The following MCF2L variants were observed in gnomAD, a reference collection of about 807,000 sequenced individuals.
MCF2L encodes the protein MCF.2 cell line derived transforming sequence like.
MCF2L carries 97 observed loss-of-function variants against 153.4 expected under a neutral mutation model. That is an observed-to-expected ratio of 0.63 (90% confidence interval 0.54 to 0.75). The LOEUF (loss-of-function observed/expected upper bound fraction) is 0.75. MCF2L is among the 30% of genes least tolerant of loss of function. The pLI is 0.00. For synonymous variants in MCF2L, 659 were observed against 632.2 expected (o/e 1.04, Z -0.64); for missense variants, 1,347 against 1,495.2 (o/e 0.90, Z 1.64).
intron 2 of MCF2L, among the ~76,000 whole-genome samples, chr13:113,017,090 G>A (rs368332026): frequency 6.6e-6 from 1 of 152,216 alleles, no homozygotes. Flanking sequence ...AGATGTGCGC[G>A]GATTTGGAGG....
chr13:112,923,506 T>C (rs1389981861), intron 2 of MCF2L, among the ~76,000 whole-genome samples: 1 of 152,092 alleles, frequency 6.6e-6, no homozygotes, highest in African/African-American at 2.4e-5. Flanking sequence ...CCTGGTGATC[T>C]ACCTGCCTCG....
chr13:112,913,616 G>T (rs2081258974), intron 2 of MCF2L, among the ~76,000 whole-genome samples: 1 of 152,132 alleles, frequency 6.6e-6, no homozygotes, highest in African/African-American at 2.4e-5. Flanking sequence ...CCTCCTTCAA[G>T]TGCATGGGGC....
rs147651449 is a variant in MCF2L, at chr13:113,004,419, G to A, written c.80-10344G>A. Among the ~76,000 whole-genome samples, 640 of 152,328 alleles carry A rather than the reference G, an allele frequency of 4.2e-3. 4 individuals are homozygous for A. The highest frequency in any genetic ancestry group is 0.015 in the African/African-American group (621 of 41,572). ...CCTCAGTCTGCAGCCGTCACTCCAT[G>A]TCTGCAGCTGGGGCCCTGGCCAGCC... On this transcript the variant is annotated intron_variant, in intron 1 of 29. Transcript: ENST00000535094.
chr13:113,012,432 G>A (rs73576804), intron 1 of MCF2L, among the ~76,000 whole-genome samples: 2 of 98,216 alleles, frequency 2.0e-5, no homozygotes, highest in African/African-American at 6.8e-5. Context: ...CAGTGTGGAC[G>A]GTGGACACTG....
At chr13:113,086,636 A>C (rs1029611977) in intron 21 of MCF2L, among the ~76,000 whole-genome samples, 1 of 152,194 alleles carries the variant, frequency 6.6e-6, no homozygotes, top group African/African-American at 2.4e-5. Context: ...ACTTAGAGCA[A>C]GTGGCCCCAG....
chr13:112,978,345 C>G (rs1047587807), intron 1 of MCF2L, among the ~76,000 whole-genome samples: 1 of 152,208 alleles, frequency 6.6e-6, no homozygotes, highest in Non-Finnish European at 1.5e-5. Context: ...GCCTTGGGAC[C>G]ACCTTGTTGC....
In MCF2L at chr13:112,943,746, C is replaced by T. The variant is rs1270203099; in HGVS notation, c.169+41375C>T. Among the ~76,000 whole-genome samples the T allele has an allele frequency of 6.6e-6, 1 of 152,068 alleles. No homozygotes were observed. The highest frequency in any genetic ancestry group is 2.1e-4 in the South Asian group (1 of 4,816). ...CCGAGCAGCCTGCGGTGGCTCGGCTCGGGCCGGCGGAGATCTGGGAGCATT... is the reference window on the plus strand; with the variant it reads ...CCGAGCAGCCTGCGGTGGCTCGGCTTGGGCCGGCGGAGATCTGGGAGCATT... On this transcript the variant is annotated intron_variant, in intron 2 of 29. Coordinates refer to the MCF2L transcript ENST00000375608. This position sits in a 1 kb window ranked among gnomAD's most constrained non-coding sequence, Gnocchi z 4.2.
At chr13:113,032,276 A>C (rs946851477) in intron 3 of MCF2L, among the ~76,000 whole-genome samples, 1 of 152,124 alleles carries the variant, frequency 6.6e-6, no homozygotes, top group Non-Finnish European at 1.5e-5. Flanking sequence ...TTGATTTCCT[A>C]TTGAACTTTG....
At chr13:112,937,809 T>C (rs112271726) in intron 2 of MCF2L, among the ~76,000 whole-genome samples, 3 of 4,836 alleles carry the variant, frequency 6.2e-4, no homozygotes, top group African/African-American at 2.3e-3. Context: ...GGTTCAGGTG[T>C]GCTCTGAGTG....
chr13:112,964,067 CGTCCACTTGCAG>C (rs2081864152), intron 2 of MCF2L, among the ~76,000 whole-genome samples: 1 of 147,456 alleles, frequency 6.8e-6, no homozygotes, highest in South Asian at 2.2e-4. Context: ...GAGGAGACGG[CGTCCACTTGCAG>C]GTGCACTTCG....
intron 1 of MCF2L, among the ~76,000 whole-genome samples, chr13:112,898,291 C>G (rs1279967876): frequency 6.6e-6 from 1 of 152,238 alleles, no homozygotes; most frequent in Non-Finnish European, 1.5e-5. Flanking sequence ...CCAGCACGGA[C>G]AGGTGCTCCA....
intron 3 of MCF2L, among the ~76,000 whole-genome samples, chr13:113,029,761 T>C (rs936434929): frequency 2.2e-4 from 33 of 152,172 alleles, no homozygotes; most frequent in Non-Finnish European, 4.6e-4. Flanking sequence ...TTCCAGGAGA[T>C]GGTGGACGAG....
chr13:113,074,288 C>T lies in MCF2L; in HGVS notation c.997-156C>T, dbSNP rs1594936240. Among the ~76,000 whole-genome samples, 1 of 152,162 alleles carries T rather than the reference C, an allele frequency of 6.6e-6. No individual in the cohort carries two copies. The highest frequency in any genetic ancestry group is 1.5e-5 in the Non-Finnish European group (1 of 68,016). The stretch of plus-strand genomic sequence containing the variant: ...CGCTTGATTGGTGACCACTCGGGGC[C>T]GACTTTGCACCTGTCTGACTGTGGT... On this transcript the variant is annotated intron_variant, in intron 9 of 29. Coordinates refer to ENST00000535094, the MANE Select transcript of MCF2L (RefSeq NM_001112732.3). The surrounding 1 kb of genome is among the most constrained non-coding windows in gnomAD (Gnocchi z 4.2).
At chr13:113,039,515 G>A (rs1190785246) in intron 3 of MCF2L, among the ~76,000 whole-genome samples, 1 of 152,176 alleles carries the variant, frequency 6.6e-6, no homozygotes, top group Non-Finnish European at 1.5e-5. Flanking sequence ...AATGAACCAT[G>A]AAGAGATCGA....
At position 113,087,906 on chromosome 13, in the gene MCF2L, C is replaced by A. The variant is rs554950374; in HGVS notation, c.2688+107C>A. On this transcript the variant is annotated intron_variant, in intron 23 of 29. Coordinates refer to ENST00000535094, the MANE Select transcript of MCF2L (RefSeq NM_001112732.3). Reference sequence around the variant, plus strand: ...GAAGTTGCATCGAGCCCAGGAGCAGCCGCTGTACACTTCAGGATGCTGCCC... The same window carrying A: ...GAAGTTGCATCGAGCCCAGGAGCAGACGCTGTACACTTCAGGATGCTGCCC... The A allele has an allele frequency of 7.9e-6, 7 of 889,592 alleles. No homozygotes were observed. In the African/African-American group the frequency reaches 1.1e-4, roughly 15 times the overall value. 55.1% of individuals were successfully genotyped at this position (889,592 alleles called of 1,614,324 possible). A position where few individuals can be genotyped will look rare whatever the true frequency, so the allele number is the denominator to read the frequency against.
chr13:112,902,220 A>G, exon 2 of MCF2L: 1 of 1,612,658 alleles, frequency 6.2e-7, no homozygotes, highest in Non-Finnish European at 8.5e-7. Flanking sequence ...ACTGTTGGAG[A>G]TTTATCCTGT....
chr13:113,018,711 C>T (rs1478858004), intron 2 of MCF2L, among the ~76,000 whole-genome samples: 2 of 152,218 alleles, frequency 1.3e-5, no homozygotes, highest in African/African-American at 2.4e-5. Context: ...CACTGAGGAA[C>T]TTATGATCTG....
chr13:113,079,574 G>A (rs908166286), intron 15 of MCF2L, among the ~76,000 whole-genome samples: 20 of 152,220 alleles, frequency 1.3e-4, no homozygotes, highest in Admixed American at 2.0e-4. Flanking sequence ...GCAGGTGTCC[G>A]CAGGCAGCGC....
intron 2 of MCF2L, among the ~76,000 whole-genome samples, chr13:112,945,456 G>A (rs2081627854): frequency 6.6e-6 from 1 of 152,204 alleles, no homozygotes; most frequent in African/African-American, 2.4e-5. Context: ...AAAATATAAA[G>A]TCTATTAATG....
Sources: allele counts gnomAD v4.1 joint callset (sites outside exome capture counted in the v4.1 genomes callset), GRCh38; gene constraint gnomAD v4.1.1; non-coding constraint Gnocchi (gnomAD v3.1); transcripts MANE v1.5; gene names NCBI Gene and HGNC (gene_info 2026-07-23, HGNC 2026-07-21).